MACF1: variants seen among roughly 807,000 people sequenced by gnomAD.
MACF1 encodes the protein microtubule actin crosslinking factor 1.
A neutral mutation model predicts 854.8 loss-of-function variants in MACF1; 193 were observed. The observed-to-expected ratio is 0.23, with a 90% confidence interval of 0.20 to 0.25. The LOEUF (loss-of-function observed/expected upper bound fraction) is 0.25, where lower values mean the gene tolerates loss of function less well. MACF1 is among the 10% of genes least tolerant of loss of function. The pLI is 1.00. For synonymous variants in MACF1, 3,185 were observed against 3,226.7 expected (o/e 0.99, Z 0.44); for missense variants, 7,722 against 8,929.1 (o/e 0.86, Z 5.45).
rs141541905 is a variant in MACF1 at position 39,442,839 on chromosome 1, G to T, written c.19230G>T (p.Met6410Ile). 149 of 1,613,970 alleles carry T rather than the reference G, an allele frequency of 9.2e-5. No homozygotes were observed. The highest frequency in any genetic ancestry group is 1.2e-4 in the Non-Finnish European group (144 of 1,179,982). ...ASSLRSRLEA[M>I]NQCWESVLQK... The stretch of plus-strand genomic sequence containing the variant: ...GCTTAAGGAGCCGTTTGGAAGCCAT[G>T]AACCAATGCTGGGAGTCAGTGTTAC... Residue 6410 changes from methionine (M) to isoleucine (I), a missense_variant, in exon 78 of 101, where the codon ATG (methionine) becomes ATT (isoleucine). Met to Ile is a conservative substitution (Grantham distance 10). This residue lies in a region of MACF1 where 729 missense variants were observed against 900.5 expected (regional missense o/e 0.81). Coordinates refer to ENST00000564288, the MANE Select transcript of MACF1 (RefSeq NM_001394062.1).
chr1:39,333,744 G>T lies in MACF1; in HGVS notation c.7156G>T (p.Asp2386Tyr). 1.2e-6 allele frequency: 2 copies of T among 1,614,170 alleles called. No homozygotes were observed. The highest frequency in any genetic ancestry group is 1.7e-6 in the Non-Finnish European group (2 of 1,180,028). Residue 2386 changes from aspartate (D) to tyrosine (Y), a missense_variant, in exon 37 of 101, where the codon GAT (aspartate) becomes TAT (tyrosine). Physicochemically the swap from Asp to Tyr is radical, Grantham distance 160. This residue lies in a region of MACF1 where 1,531 missense variants were observed against 1,601.6 expected (regional missense o/e 0.96). Coordinates refer to ENST00000564288, the MANE Select transcript of MACF1 (RefSeq NM_001394062.1). ...PRTQTLCSVK[D>Y]AVTVGLLDKE... ...TACCCAGACACTGTGCTCTGTAAAGGATGCAGTTACAGTTGGACTTCTTGA... is the reference window on the plus strand; with the variant it reads ...TACCCAGACACTGTGCTCTGTAAAGTATGCAGTTACAGTTGGACTTCTTGA...
chr1:39,286,121 C>T (rs1291802100), intron 14 of MACF1, among the ~76,000 whole-genome samples: 1 of 152,140 alleles, frequency 6.6e-6, no homozygotes, highest in African/African-American at 2.4e-5. Flanking sequence ...TCAAGCGATC[C>T]TTCCACCTCA....
At chr1:39,370,487 A>G (rs1215689373) in intron 51 of MACF1, among the ~76,000 whole-genome samples, 1 of 152,234 alleles carries the variant, frequency 6.6e-6, no homozygotes. Flanking sequence ...AGGAAAAGCT[A>G]GAATCAGATG....
At chr1:39,326,008 G>A (rs1427405236) in intron 35 of MACF1, among the ~76,000 whole-genome samples, 1 of 152,118 alleles carries the variant, frequency 6.6e-6, no homozygotes, top group Non-Finnish European at 1.5e-5. Context: ...AGAAGAGACT[G>A]GTGGTTTGAT....
intron 40 of MACF1, 136 bp downstream of exon 40, chr1:39,341,089 A>G: frequency 1.3e-6 from 1 of 753,134 alleles, no homozygotes; most frequent in Non-Finnish European, 2.0e-6. Context: ...GCTGGAGTGC[A>G]GTGGCACAAT....
chr1:39,288,011 C>T (rs2484750), intron 15 of MACF1, among the ~76,000 whole-genome samples: 132,343 of 152,054 alleles, frequency 0.87, 58,804 homozygotes, highest in Non-Finnish European at 0.96. Context: ...ACATCTGTTA[C>T]CTTTTTTTTT....
intron 35 of MACF1, among the ~76,000 whole-genome samples, chr1:39,326,479 G>C (rs1487097267): frequency 6.6e-6 from 1 of 152,048 alleles, no homozygotes; most frequent in Non-Finnish European, 1.5e-5. Context: ...TCAGGAGTTC[G>C]AGACCAGCCT....
At chr1:39,195,868 G>A (rs569595472) in intron 2 of MACF1, among the ~76,000 whole-genome samples, 16 of 152,236 alleles carry the variant, frequency 1.1e-4, no homozygotes, top group African/African-American at 3.9e-4. Context: ...ACGAGGGCAG[G>A]GTTGGTAAGT....
At position 39,372,566 on chromosome 1, in the gene MACF1, A is replaced by G; in HGVS notation, c.13183A>G (p.Ile4395Val). Reference sequence around the variant, plus strand: ...TTCTTTAGAAAATCTCATCATGGAAATCACAGCACCTGATTCCCAAGGCAA... The same window carrying G: ...TTCTTTAGAAAATCTCATCATGGAAGTCACAGCACCTGATTCCCAAGGCAA... ...GTSLENLIME[I>V]TAPDSQGKTG... The change falls in exon 52 of 101, where the codon ATC becomes GTC. Residue 4395 changes from isoleucine (I) to valine (V), a missense_variant. Transcript: ENST00000564288. 6.2e-7 allele frequency: 1 copy of G among 1,613,562 alleles called. No homozygotes were observed. Among genetic ancestry groups the G allele is most frequent in the Non-Finnish European group, 8.5e-7 (1 of 1,179,526 alleles).
At chr1:39,173,502 A>G (rs1643981813) in intron 2 of MACF1, among the ~76,000 whole-genome samples, 1 of 152,144 alleles carries the variant, frequency 6.6e-6, no homozygotes, top group Admixed American at 6.5e-5. Flanking sequence ...TCTTCCACCT[A>G]CCACTTGTTG....
chr1:39,310,180 T>C (rs1646271876), intron 24 of MACF1, 65 bp from the exon 25 acceptor site: 1 of 1,316,202 alleles, frequency 7.6e-7, no homozygotes, highest in Non-Finnish European at 1.0e-6. Flanking sequence ...TTCAGTAAAA[T>C]GGAGGAAAAG....
chr1:39,467,725 C>G (rs944515720), intron 95 of MACF1: 2 of 152,196 alleles, frequency 1.3e-5, no homozygotes, highest in African/African-American at 4.8e-5. Flanking sequence ...ATGACCTAAT[C>G]ATTTGTTCAG....
intron 92 of MACF1, 50 bp from the exon 93 acceptor site, chr1:39,461,833 C>G: frequency 1.8e-6 from 2 of 1,133,824 alleles, no homozygotes; most frequent in Non-Finnish European, 2.5e-6. Context: ...TAACCGCCAA[C>G]CGAACAAGTA....
At chr1:39,422,702 A>C in intron 59 of MACF1, 28 bp from the exon 60 acceptor site, 1 of 1,604,344 alleles carries the variant, frequency 6.2e-7, no homozygotes, top group Non-Finnish European at 8.5e-7. Flanking sequence ...CTCCGTTCTC[A>C]TAATGAACCT....
chr1:39,203,354 C>T (rs1227006603), upstream of MACF1, among the ~76,000 whole-genome samples: 2 of 152,060 alleles, frequency 1.3e-5, no homozygotes. Flanking sequence ...ACACACATAC[C>T]ATCTCATCTG....
At chr1:39,418,645 T>A (rs1298483723) in intron 58 of MACF1, among the ~76,000 whole-genome samples, 1 of 152,194 alleles carries the variant, frequency 6.6e-6, no homozygotes, top group Non-Finnish European at 1.5e-5. Context: ...GGCAGATCAC[T>A]TGAGGTCAGG....
chr1:39,295,170 G>A lies in MACF1; in HGVS notation c.2259+20G>A. On this transcript the variant is annotated intron_variant, in intron 19 of 100. Coordinates refer to ENST00000564288, the MANE Select transcript of MACF1 (RefSeq NM_001394062.1). ...GTGGAGGTGTGTGACTTGAGAATGT[G>A]TGAAGGTCAAATGCTGAGAGGTTGT... is the stretch of plus-strand genomic sequence containing the variant. 1 of 1,581,226 alleles carries A rather than the reference G, an allele frequency of 6.3e-7. No individual in the cohort carries two copies. Among genetic ancestry groups the A allele is most frequent in the South Asian group, 1.1e-5 (1 of 90,346 alleles).
chr1:39,411,174 G>T, intron 58 of MACF1: 1 of 1,613,674 alleles, frequency 6.2e-7, no homozygotes, highest in Non-Finnish European at 8.5e-7. Context: ...ATCCAGAATT[G>T]CATGTTCTCA....
At position 39,163,981 on chromosome 1, in the gene MACF1, T is replaced by G. The variant is rs183980028; in HGVS notation, c.221-67201T>G. On this transcript the variant is annotated intron_variant, in intron 2 of 93. Transcript: ENST00000361689. ...ATTTCTGTCATCTTTTCTCTATCCATGTGTATATAATGTTGCTTTTATATA... is the reference window on the plus strand; with the variant it reads ...ATTTCTGTCATCTTTTCTCTATCCAGGTGTATATAATGTTGCTTTTATATA... Among the ~76,000 whole-genome samples, 648 of 152,326 alleles carry G rather than the reference T, an allele frequency of 4.3e-3. 1 individual carries two copies. The highest frequency in any genetic ancestry group is 6.7e-3 in the Non-Finnish European group (458 of 68,036).
Sources: allele counts gnomAD v4.1 joint callset (sites outside exome capture counted in the v4.1 genomes callset), GRCh38; gene constraint gnomAD v4.1.1; regional missense constraint gnomAD v4.1.1; transcripts MANE v1.5; gene names NCBI Gene and HGNC (gene_info 2026-07-23, HGNC 2026-07-21).